The following DNAH7 variants were observed in gnomAD, a reference collection of about 807,000 sequenced individuals.
DNAH7 encodes the protein axonemal beta dynein heavy chain 7.
Under a neutral mutation model 444.6 loss-of-function variants are expected in DNAH7, and 397 were observed. The ratio of observed to expected loss-of-function variants is 0.89; its 90% confidence interval spans 0.82 to 0.97. The LOEUF (loss-of-function observed/expected upper bound fraction) is 0.97, where lower values mean the gene tolerates loss of function less well. Among genes scored for constraint, DNAH7 ranks in the 50% least tolerant of loss-of-function variants. The pLI, the probability that DNAH7 is intolerant of heterozygous loss-of-function variation, is 0.00. For synonymous variants in DNAH7, 1,636 were observed against 1,624.4 expected, an observed-to-expected ratio of 1.01 and a Z score of -0.17; for missense variants, 4,902 against 4,800.8, an observed-to-expected ratio of 1.02 and a Z score of -0.62.
At chr2:195,903,606 A>T (rs924244201) in intron 27 of DNAH7, 1 of 152,136 alleles carries the variant, frequency 6.6e-6, no homozygotes, top group Non-Finnish European at 1.5e-5. Context: ...TATTATGCAG[A>T]TTTTGTCTAA....
At chr2:195,998,707 G>C (rs1489813402) in intron 12 of DNAH7, 1 of 161,248 alleles carries the variant, frequency 6.2e-6, no homozygotes, top group Non-Finnish European at 1.3e-5. Context: ...GAATAGAAAA[G>C]AATGCAATAG....
In DNAH7 at chr2:195,756,113, G is replaced by T; in HGVS notation, c.11586+20C>A. 2 of 1,583,156 alleles carry T rather than the reference G, an allele frequency of 1.3e-6. No individual in the cohort carries two copies. The highest frequency in any genetic ancestry group is 1.1e-5 in the South Asian group (1 of 87,250). On this transcript the variant is annotated intron_variant, in intron 62 of 64. Coordinates refer to ENST00000312428, the MANE Select transcript of DNAH7 (RefSeq NM_018897.3). ...AACCAGGAGAAACTTAACAATATAC[G>T]ATCATTTAGACGAACTTACCTGCAA...
intron 24 of DNAH7, among the ~76,000 whole-genome samples, chr2:195,921,566 T>A (rs932665033): frequency 3.9e-5 from 6 of 152,074 alleles, no homozygotes; most frequent in Non-Finnish European, 8.8e-5. Context: ...GGCCTAAGAA[T>A]GGCACAATGG....
intron 40 of DNAH7, among the ~76,000 whole-genome samples, chr2:195,866,255 T>C (rs1045443367): frequency 2.6e-5 from 4 of 152,024 alleles, no homozygotes; most frequent in African/African-American, 9.7e-5. Flanking sequence ...AGATAATTAC[T>C]GCAAATTGCC....
intron 57 of DNAH7, among the ~76,000 whole-genome samples, chr2:195,789,126 G>A (rs1695757917): frequency 6.6e-6 from 1 of 152,092 alleles, no homozygotes; most frequent in Non-Finnish European, 1.5e-5. Flanking sequence ...TCTTATGCCA[G>A]AAAGTAAGAG....
At chr2:195,990,950 TATATACTTAAATATATATAC>T (rs896476673) in intron 12 of DNAH7, among the ~76,000 whole-genome samples, 6 of 143,702 alleles carry the variant, frequency 4.2e-5, no homozygotes, top group African/African-American at 1.6e-4. Context: ...TATATACATA[TATATACTTAAATATATATAC>T]ATATATATAT....
At chr2:195,941,817 CTCTT>C (rs552069412) in intron 19 of DNAH7, among the ~76,000 whole-genome samples, 158 of 152,276 alleles carry the variant, frequency 1.0e-3, no homozygotes, top group Admixed American at 4.0e-3. Flanking sequence ...GGAGCAGAAA[CTCTT>C]TCATTTAGAT....
chr2:195,885,694 G>T (rs1035749086), intron 34 of DNAH7, among the ~76,000 whole-genome samples: 20 of 151,904 alleles, frequency 1.3e-4, no homozygotes, highest in African/African-American at 4.6e-4. Flanking sequence ...ATATTTTCTT[G>T]CTTTCCTTAA....
chr2:196,014,654 C>T (rs1694908576), intron 9 of DNAH7, among the ~76,000 whole-genome samples: 1 of 152,148 alleles, frequency 6.6e-6, no homozygotes, highest in South Asian at 2.1e-4. Flanking sequence ...TCAGTCTCTA[C>T]CTTTGTTCTC....
At chr2:195,850,537 G>T (rs1042039453) in intron 46 of DNAH7, among the ~76,000 whole-genome samples, 2 of 152,198 alleles carry the variant, frequency 1.3e-5, no homozygotes, top group East Asian at 1.9e-4. Context: ...TACCCTGGAA[G>T]AATTGGATTT....
At chr2:195,954,203 G>A (rs1376191377) in intron 19 of DNAH7, among the ~76,000 whole-genome samples, 2 of 152,060 alleles carry the variant, frequency 1.3e-5, no homozygotes, top group Non-Finnish European at 2.9e-5. Context: ...ACAGGCCCTG[G>A]TATGTGATGT....
Position 195,957,487 on chromosome 2 carries a change from C to A in DNAH7, c.2892-40G>T, listed in dbSNP as rs765089388. On this transcript the variant is annotated intron_variant, in intron 18 of 64. Transcript: ENST00000312428. ...ACAGTGGCTCTTACTGACAGCAAACCAAGCAAATGTTTCAAATGACAAAAT... is the reference window on the plus strand; with the variant it reads ...ACAGTGGCTCTTACTGACAGCAAACAAAGCAAATGTTTCAAATGACAAAAT... 15 of 1,435,260 alleles carry A rather than the reference C, an allele frequency of 1.0e-5. 1 individual carries two copies. In the South Asian group the frequency reaches 2.3e-4, roughly 22 times the overall value. 88.9% of individuals were successfully genotyped at this position (1,435,260 alleles called of 1,614,324 possible).
intron 8 of DNAH7, among the ~76,000 whole-genome samples, chr2:196,021,756 A>G (rs1695396879): frequency 6.6e-6 from 1 of 152,118 alleles, no homozygotes; most frequent in South Asian, 2.1e-4. Context: ...TGGGAGGTTA[A>G]GGCTGTACTG....
intron 63 of DNAH7, among the ~76,000 whole-genome samples, chr2:195,752,722 A>G (rs548328785): frequency 6.6e-6 from 1 of 152,158 alleles, no homozygotes; most frequent in Non-Finnish European, 1.5e-5. Context: ...ACTGGAAACA[A>G]AGAGAGAAGC....
At chr2:196,053,981 A>AC (rs1697647075) in intron 2 of DNAH7, among the ~76,000 whole-genome samples, 2 of 152,134 alleles carry the variant, frequency 1.3e-5, no homozygotes, top group South Asian at 4.1e-4. Context: ...ATGCAGCGCT[A>AC]CCTGACCCTC....
At chr2:195,765,540 A>C (rs1694531884) in intron 61 of DNAH7, among the ~76,000 whole-genome samples, 1 of 152,192 alleles carries the variant, frequency 6.6e-6, no homozygotes, top group South Asian at 2.1e-4. Flanking sequence ...GAAAAACTCT[A>C]ATAATCCAAT....
At chr2:195,798,183 A>T (rs1450376988) in intron 55 of DNAH7, among the ~76,000 whole-genome samples, 1 of 152,056 alleles carries the variant, frequency 6.6e-6, no homozygotes, top group African/African-American at 2.4e-5. Flanking sequence ...TTAACCTCTC[A>T]GCTACATGGC....
intron 44 of DNAH7, among the ~76,000 whole-genome samples, chr2:195,856,614 GT>G (rs1186607959): frequency 6.6e-6 from 1 of 152,058 alleles, no homozygotes; most frequent in Non-Finnish European, 1.5e-5. Flanking sequence ...TATGACAGTT[GT>G]TTTTTGAAAA....
chr2:195,783,844 C>T (rs979692834), intron 58 of DNAH7, among the ~76,000 whole-genome samples: 2 of 152,120 alleles, frequency 1.3e-5, no homozygotes, highest in Non-Finnish European at 2.9e-5. Flanking sequence ...ACAGAATAAC[C>T]ACCAAATTAG....
Sources: gnomAD v4.1 joint callset for allele counts (sites outside exome capture counted in the v4.1 genomes callset) on GRCh38, gnomAD v4.1.1 for gene constraint, MANE v1.5 for transcripts, NCBI Gene and HGNC (gene_info 2026-07-23, HGNC 2026-07-21) for gene names.